Variants in ADAMTS12 observed in about 807,000 individuals in gnomAD.
The protein encoded by ADAMTS12 is A disintegrin and metalloproteinase with thrombospondin motifs 12.
In ADAMTS12, 118 loss-of-function variants were observed where a neutral mutation model predicts 167.8. The ratio of observed to expected loss-of-function variants is 0.70; its 90% CI spans 0.61 to 0.82. The LOEUF (loss-of-function observed/expected upper bound fraction) is 0.82. Among genes scored for constraint, ADAMTS12 ranks in the 40% least tolerant of loss-of-function variants. The pLI is 0.00. For synonymous variants in ADAMTS12, 704 were observed against 716.9 expected (o/e 0.98, Z 0.29); for missense variants, 1,916 against 1,998.8 (o/e 0.96, Z 0.79).
Position 33,881,629 on chromosome 5 carries a change from C to A in ADAMTS12, c.128-149G>T, listed in dbSNP as rs893588176. ...CAGGCTGGAGTGCAATGGCACGATC[C>A]GGGCTCACCGCAACCTCCTCCTCAC... On this transcript the variant is annotated intron_variant, in intron 1 of 23. Transcript: ENST00000504830. 5 of 1,098,836 alleles carry A rather than the reference C, an allele frequency of 4.6e-6. No individual in the cohort carries two copies. In the African/African-American group the frequency reaches 8.0e-5, roughly 18 times the overall value. 68.1% of individuals were successfully genotyped at this position (1,098,836 alleles called of 1,614,324 possible).
At position 33,643,488 on chromosome 5, in the gene ADAMTS12, C is replaced by T. The variant is rs1368172291; in HGVS notation, c.1480-18G>A. On this transcript the variant is annotated intron_variant, in intron 9 of 23. Coordinates refer to ENST00000504830, the MANE Select transcript of ADAMTS12 (RefSeq NM_030955.4). ...CAGACGTTCTAGAAAACAAATTGCA[C>T]TTCTTTTGTATTTTCAAAACCTGCC... 2 of 1,612,028 alleles carry T rather than the reference C, an allele frequency of 1.2e-6. No homozygotes were observed. Among genetic ancestry groups the T allele is most frequent in the African/African-American group, 1.3e-5 (1 of 74,982 alleles).
chr5:33,865,074 A>T (rs1472024161), intron 2 of ADAMTS12, among the ~76,000 whole-genome samples: 1 of 152,128 alleles, frequency 6.6e-6, no homozygotes, highest in Non-Finnish European at 1.5e-5. Context: ...TCCTACTGAA[A>T]CTATTCCAAA....
chr5:33,581,458 G>A lies in ADAMTS12; in HGVS notation c.2866-4298C>T, dbSNP rs181848108. Among the ~76,000 whole-genome samples the A allele has an allele frequency of 9.9e-5, 15 of 152,244 alleles. No individual in the cohort carries two copies. In the East Asian group the frequency reaches 2.5e-3, roughly 26 times the overall value. ...CCACCCACCTGTGGTCCACTGTGGT[G>A]GGTGAAAAGGCTCACAATTGGCACT... is the stretch of plus-strand genomic sequence containing the variant. On this transcript the variant is annotated intron_variant, in intron 18 of 23. Coordinates refer to ENST00000504830, the MANE Select transcript of ADAMTS12 (RefSeq NM_030955.4).
In ADAMTS12 at chr5:33,616,061, T is replaced by C. The variant is rs1424107072; in HGVS notation, c.2155A>G (p.Ile719Val). 6.2e-7 allele frequency: 1 copy of C among 1,613,910 alleles called. No homozygotes were observed. The highest frequency in any genetic ancestry group is 2.2e-5 in the East Asian group (1 of 44,866). The change falls in exon 15 of 24, where the codon ATT becomes GTT. Residue 719 changes from isoleucine (I) to valine (V), a missense_variant. Coordinates refer to ENST00000504830, the MANE Select transcript of ADAMTS12 (RefSeq NM_030955.4). ...CTTGCTCCTTTTGGAATGAGCCCAA[T>C]GTCAACATAACCTAAAGAGAGAAGA... ...KQKEGSGYVD[I>V]GLIPKGARDI... is the part of the protein sequence containing the mutation.
chr5:33,787,238 C>A (rs2112451153), intron 2 of ADAMTS12, among the ~76,000 whole-genome samples: 1 of 152,002 alleles, frequency 6.6e-6, no homozygotes, highest in Non-Finnish European at 1.5e-5. Context: ...TCAGGTTTAC[C>A]CCTGAAAAAG....
chr5:33,595,980 G>A lies in ADAMTS12; in HGVS notation c.2608C>T (p.Pro870Ser), dbSNP rs760353322. 6.2e-7 allele frequency: 1 copy of A among 1,613,992 alleles called. No homozygotes were observed. The highest frequency in any genetic ancestry group is 1.3e-5 in the African/African-American group (1 of 74,902). ...TGGCACTTCTTCTGTCTCCCATTGG[G>A]CTGTGTTTCTGGGTCACAGAATGTA... is the stretch of plus-strand genomic sequence containing the variant. ...KATFCDPETQPNGRQKKCHEK... is the reference protein window; with the variant it reads ...KATFCDPETQSNGRQKKCHEK... Residue 870 changes from proline (P) to serine (S), a missense_variant, in exon 17 of 24, where the codon CCC becomes TCC. Physicochemically the swap from Pro to Ser is moderately conservative, Grantham distance 74. Transcript: ENST00000504830.
In ADAMTS12 at chr5:33,656,160, T is replaced by A. The variant is rs561803476; in HGVS notation, c.1190+2024A>T. On this transcript the variant is annotated intron_variant, in intron 7 of 23. Transcript: ENST00000504830. ...TTATTTCCACAATGCATCAGATAGT[T>A]CTGAACGAGTGTTCAGTTTAAACTT... 2.0e-5 allele frequency among the ~76,000 whole-genome samples: 3 copies of A among 152,218 alleles called. No homozygotes were observed. In the East Asian group the frequency reaches 5.8e-4, roughly 29 times the overall value.
intron 7 of ADAMTS12, among the ~76,000 whole-genome samples, chr5:33,652,017 C>T (rs1292733068): frequency 1.3e-5 from 2 of 152,166 alleles, no homozygotes; most frequent in African/African-American, 2.4e-5. Context: ...ATATATACCA[C>T]ATTTTCATTA....
intron 2 of ADAMTS12, among the ~76,000 whole-genome samples, chr5:33,761,283 T>C (rs1437696527): frequency 6.6e-6 from 1 of 152,196 alleles, no homozygotes; most frequent in Non-Finnish European, 1.5e-5. Flanking sequence ...GGATCCCTGA[T>C]GAGGGAGTGC....
chr5:33,550,509 C>T (rs143066010), intron 20 of ADAMTS12, among the ~76,000 whole-genome samples: 1 of 152,276 alleles, frequency 6.6e-6, no homozygotes, highest in East Asian at 1.9e-4. Flanking sequence ...GGTTCTTCCC[C>T]AGGTTCTCCT....
intron 2 of ADAMTS12, among the ~76,000 whole-genome samples, chr5:33,836,349 C>A (rs1431984306): frequency 6.6e-6 from 1 of 152,192 alleles, no homozygotes; most frequent in Non-Finnish European, 1.5e-5. Context: ...TCCAAACACC[C>A]TCCTCTGACA....
intron 2 of ADAMTS12, among the ~76,000 whole-genome samples, chr5:33,782,054 A>G (rs1449803832): frequency 6.6e-6 from 1 of 152,010 alleles, no homozygotes; most frequent in Non-Finnish European, 1.5e-5. Context: ...TCTCTGCTTG[A>G]GTACACAGCA....
chr5:33,799,208 T>C (rs1296869616), intron 2 of ADAMTS12, among the ~76,000 whole-genome samples: 4 of 152,238 alleles, frequency 2.6e-5, no homozygotes, highest in African/African-American at 4.8e-5. Context: ...GTCCTGTTCA[T>C]TAACCACATC....
At chr5:33,558,716 T>C (rs1745597444) in intron 20 of ADAMTS12, among the ~76,000 whole-genome samples, 1 of 152,194 alleles carries the variant, frequency 6.6e-6, no homozygotes, top group South Asian at 2.1e-4. Context: ...TAATTTCCAA[T>C]GAAATGATTA....
At chr5:33,767,929 G>C (rs371348026) in intron 2 of ADAMTS12, among the ~76,000 whole-genome samples, 58 of 152,272 alleles carry the variant, frequency 3.8e-4, no homozygotes, top group African/African-American at 1.3e-3. Context: ...TGTAAAGTAG[G>C]AAATTGGAAA....
chr5:33,717,255 C>T (rs1191846284), intron 3 of ADAMTS12, among the ~76,000 whole-genome samples: 2 of 151,968 alleles, frequency 1.3e-5, no homozygotes, highest in Admixed American at 6.6e-5. Context: ...GCTCAGTCCT[C>T]GCAAGTAAAC....
intron 3 of ADAMTS12, among the ~76,000 whole-genome samples, chr5:33,750,901 T>C (rs1194544300): frequency 6.6e-6 from 1 of 152,188 alleles, no homozygotes. Flanking sequence ...CATCTGACAA[T>C]GTGTTGATAA....
At position 33,781,846 on chromosome 5, in the gene ADAMTS12, C is replaced by G. The variant is rs1027014060; in HGVS notation, c.490-30298G>C. ...TATCTCCTAATGCTATCCCTCCCCC[C>G]CGACCCCACAACAGTCCCCAGAGTG... is the stretch of plus-strand genomic sequence containing the variant. On this transcript the variant is annotated intron_variant, in intron 2 of 23. Coordinates refer to ENST00000504830, the MANE Select transcript of ADAMTS12 (RefSeq NM_030955.4). 1.4e-4 allele frequency among the ~76,000 whole-genome samples: 22 copies of G among 152,092 alleles called. No homozygotes were observed. The East Asian group carries it at 2.1e-3, about 15-fold the overall frequency.
At chr5:33,595,813 C>T (rs1412548226) in intron 17 of ADAMTS12, 121 bp downstream of exon 17, 17 of 1,429,966 alleles carry the variant, frequency 1.2e-5, no homozygotes, top group African/African-American at 8.5e-5. Context: ...TAACCGCGTT[C>T]TTGTATTTAT....
Sources: gnomAD v4.1 joint callset for allele counts (sites outside exome capture counted in the v4.1 genomes callset) on GRCh38, gnomAD v4.1.1 for gene constraint, MANE v1.5 for transcripts, NCBI Gene and HGNC (gene_info 2026-07-23, HGNC 2026-07-21) for gene names.